FCRL3: variants seen among roughly 807,000 people sequenced by gnomAD.
The protein encoded by FCRL3 is Fc receptor like 3.
A neutral mutation model predicts 75.0 loss-of-function variants in FCRL3; 89 were observed. The ratio of observed to expected loss-of-function variants is 1.19; its 90% CI spans 1.00 to 1.42. FCRL3 has a LOEUF of 1.42. Among genes scored for constraint, FCRL3 ranks in the 40% most tolerant of loss-of-function variants. The pLI is 0.00. For synonymous variants in FCRL3, 376 were observed against 348.5 expected (o/e 1.08, Z -0.88); for missense variants, 946 against 880.0 (o/e 1.07, Z -0.95).
chr1:157,699,503 A>T (rs1355721679), intron 3 of FCRL3, among the ~76,000 whole-genome samples, 189 bp downstream of exon 3: 2 of 135,060 alleles, frequency 1.5e-5, no homozygotes, highest in African/African-American at 5.9e-5. Flanking sequence ...ATGTAGGGAG[A>T]AAAAAAAAAA....
chr1:157,689,794 C>A lies in FCRL3; in HGVS notation c.1810+4G>T. 6.2e-7 allele frequency: 1 copy of A among 1,614,020 alleles called. No homozygotes were observed. Among genetic ancestry groups the A allele is most frequent in the Non-Finnish European group, 8.5e-7 (1 of 1,179,984 alleles). ...ACATCACAAGGTAGGACCTAGACAC[C>A]CACCTGGTTTCCTTCGGGCCCTGGC... On this transcript the variant is annotated splice_donor_region_variant and intron_variant, in intron 10 of 14. Transcript: ENST00000368184.
chr1:157,690,462 G>A lies in FCRL3; in HGVS notation c.1483C>T (p.Leu495Phe), dbSNP rs768838705. The A allele has an allele frequency of 1.2e-6, 2 of 1,614,228 alleles. No homozygotes were observed. The highest frequency in any genetic ancestry group is 1.1e-5 in the South Asian group (1 of 91,082). Residue 495 changes from leucine to phenylalanine, a missense_variant, in exon 9 of 15, where the codon CTT (leucine) becomes TTT (phenylalanine). Leu to Phe is a conservative substitution (Grantham distance 22). Transcript: ENST00000368184. ...AQAVVGDLLE[L>F]HCESLRGSFP... is the part of the protein sequence containing the mutation. ...GAGCCTCTCAGGGACTCACAGTGAA[G>A]CTCCAGCAGGTCCCCCACCACAGCC...
Position 157,696,383 on chromosome 1 carries a change from A to G in FCRL3, c.845-56T>C, listed in dbSNP as rs748705036. Reference sequence around the variant, plus strand: ...CCTGATGGCAGGGACATCAAGGTCAAGGGGAAGGCTGGAGCTACCATGAAT... The same window carrying G: ...CCTGATGGCAGGGACATCAAGGTCAGGGGGAAGGCTGGAGCTACCATGAAT... On this transcript the variant is annotated intron_variant, in intron 6 of 14. Transcript: ENST00000368184. 25 of 1,594,892 alleles carry G rather than the reference A, an allele frequency of 1.6e-5. 1 individual carries two copies. In the South Asian group the frequency reaches 2.0e-4, roughly 13 times the overall value.
At position 157,686,590 on chromosome 1, in the gene FCRL3, C is replaced by T. The variant is rs192595436; in HGVS notation, c.1810+3208G>A. 5.0e-4 allele frequency among the ~76,000 whole-genome samples: 76 copies of T among 152,130 alleles called. No individual in the cohort carries two copies. The East Asian group carries it at 6.0e-3, about 12-fold the overall frequency. On this transcript the variant is annotated intron_variant, in intron 10 of 14. Transcript: ENST00000368184. ...AGTATAGTACTGATACAAAAACAGACACATAGACCAACGGAATGGAATAGA... is the reference window on the plus strand; with the variant it reads ...AGTATAGTACTGATACAAAAACAGATACATAGACCAACGGAATGGAATAGA...
intron 11 of FCRL3, among the ~76,000 whole-genome samples, chr1:157,681,795 C>A (rs1186534281): frequency 6.6e-6 from 1 of 152,132 alleles, no homozygotes; most frequent in East Asian, 1.9e-4. Flanking sequence ...ATTTCTACTT[C>A]TAGATCCCTG....
In FCRL3 at chr1:157,678,612, T is replaced by C; in HGVS notation, c.*98A>G. The C allele has an allele frequency of 6.4e-7, 1 of 1,561,624 alleles. No individual in the cohort carries two copies. Among genetic ancestry groups the C allele is most frequent in the Non-Finnish European group, 8.6e-7 (1 of 1,161,570 alleles). ...TCACATACCCTGCAGCCCAGCCTCG[T>C]AGGAGGCAGAGTCTGGAGAGATGGA... On this transcript the variant is annotated 3_prime_UTR_variant, in exon 15 of 15. Coordinates refer to ENST00000368184, the MANE Select transcript of FCRL3 (RefSeq NM_052939.4).
In FCRL3 at chr1:157,689,911, G is replaced by A. The variant is rs74120720; in HGVS notation, c.1697C>T (p.Ser566Phe). Residue 566 changes from serine (S) to phenylalanine (F), a missense_variant, in exon 10 of 15, where the codon TCC becomes TTC. Physicochemically the swap from Ser to Phe is radical, Grantham distance 155 (BLOSUM62 -2). Transcript: ENST00000368184. ...KVVTLNVTGT[S>F]RNRTGLTAAG... ...AGCGGTAAGGCCTGTTCTGTTCCTG[G>A]AAGTTCCTGAGTGGAGGGAGCTGTA... is the stretch of plus-strand genomic sequence containing the variant. The A allele has an allele frequency of 6.2e-7, 1 of 1,614,142 alleles. No individual in the cohort carries two copies. Among genetic ancestry groups the A allele is most frequent in the Non-Finnish European group, 8.5e-7 (1 of 1,180,016 alleles).
At chr1:157,697,447 T>A in intron 5 of FCRL3, 23 bp from the exon 6 acceptor site, 10 of 1,525,250 alleles carry the variant, frequency 6.6e-6, no homozygotes, top group Non-Finnish European at 8.8e-6. Flanking sequence ...AACAACATAG[T>A]CTCCAGGGTG....
At chr1:157,683,728 GT>G (rs1290751506) in intron 10 of FCRL3, among the ~76,000 whole-genome samples, 40 of 152,260 alleles carry the variant, frequency 2.6e-4, no homozygotes, top group African/African-American at 9.1e-4. Context: ...ACCCCTGCAA[GT>G]CTATTCCAGC....
chr1:157,677,969 A>G lies in FCRL3; in HGVS notation c.*741T>C. 5 of 985,354 alleles carry G rather than the reference A, an allele frequency of 5.1e-6. No individual in the cohort carries two copies. The highest frequency in any genetic ancestry group is 4.8e-6 in the Non-Finnish European group (4 of 829,886). The allele number at this position is 985,354 out of a possible 1,614,324, so 61.0% of individuals were successfully genotyped here. On this transcript the variant is annotated 3_prime_UTR_variant, in exon 15 of 15. Coordinates refer to ENST00000368184, the MANE Select transcript of FCRL3 (RefSeq NM_052939.4). ...GTTAATGGGTGCTTATAAGAATAAA[A>G]CTGACTGACTAGAAATCTATCATGT...
chr1:157,693,068 A>T (rs2101614676), intron 8 of FCRL3, among the ~76,000 whole-genome samples: 1 of 152,030 alleles, frequency 6.6e-6, no homozygotes, highest in Middle Eastern at 3.4e-3. Flanking sequence ...CTGAGCTCAG[A>T]AGTTCGAGAC....
Position 157,700,625 on chromosome 1 carries a change from A to G in FCRL3, c.-97+37T>C, listed in dbSNP as rs1656258663. On this transcript the variant is annotated intron_variant, in intron 1 of 14. Transcript: ENST00000368184. ...AAAGGGAAGAAGAGCTTAGTGTCAT[A>G]TTTTGCTTTGGGCTCTGAAAATGTG... 4.6e-6 allele frequency: 7 copies of G among 1,528,864 alleles called. No individual in the cohort carries two copies. In the South Asian group the frequency reaches 6.2e-5, roughly 14 times the overall value. The allele number at this position is 1,528,864 out of a possible 1,614,324, so 94.7% of individuals were successfully genotyped here. A position where few individuals can be genotyped will look rare whatever the true frequency, so the allele number is the denominator to read the frequency against.
chr1:157,681,231 G>T lies in FCRL3; in HGVS notation c.1839-132C>A, dbSNP rs1654818380. The T allele has an allele frequency of 1.1e-5, 5 of 474,706 alleles. No homozygotes were observed. In the South Asian group the frequency reaches 3.3e-4, roughly 32 times the overall value. 29.4% of individuals were successfully genotyped at this position (474,706 alleles called of 1,614,324 possible). ...AAATATTGTGTCTGCTTCTGCTTGG[G>T]TCTTTTTTTTTAATTTTATTATTAT... On this transcript the variant is annotated intron_variant, in intron 11 of 14. Coordinates refer to ENST00000368184, the MANE Select transcript of FCRL3 (RefSeq NM_052939.4).
chr1:157,700,823 C>A (rs1051249682), upstream of FCRL3: 21 of 985,436 alleles, frequency 2.1e-5, no homozygotes, highest in East Asian at 9.3e-4. Flanking sequence ...TCAAATAATT[C>A]TTTCTGTATT....
intron 10 of FCRL3, among the ~76,000 whole-genome samples, chr1:157,686,094 G>T (rs969897034): frequency 2.0e-5 from 3 of 151,898 alleles, no homozygotes; most frequent in Non-Finnish European, 4.4e-5. Flanking sequence ...CCAAGAGTAA[G>T]GTTTCAGGAC....
At chr1:157,695,268 T>C (rs1655806148) in intron 8 of FCRL3, 61 bp downstream of exon 8, 2 of 1,534,534 alleles carry the variant, frequency 1.3e-6, no homozygotes, top group African/African-American at 2.7e-5. Context: ...AGTGGAGCTA[T>C]TTCTGAGAAG....
Position 157,695,505 on chromosome 1 carries a change from G to A in FCRL3, c.1235C>T (p.Pro412Leu), listed in dbSNP as rs529765292. ...CTCATGATAAAATCGGTACAGGATC[G>A]GGGGAGAGCCTCTCAGGGACTCACA... Reference protein sequence around the residue: ...LHCESLRGSPPILYRFYHEDV... With the variant: ...LHCESLRGSPLILYRFYHEDV... Residue 412 changes from proline (P) to leucine (L), a missense_variant, in exon 8 of 15, where the codon CCG becomes CTG. Coordinates refer to ENST00000368184, the MANE Select transcript of FCRL3 (RefSeq NM_052939.4). 8.7e-6 allele frequency: 14 copies of A among 1,614,144 alleles called. No individual in the cohort carries two copies. The highest frequency in any genetic ancestry group is 7.7e-5 in the South Asian group (7 of 91,080).
chr1:157,700,754 A>G lies in FCRL3; in HGVS notation c.-189T>C. 7.2e-7 allele frequency: 1 copy of G among 1,381,166 alleles called. No homozygotes were observed. The highest frequency in any genetic ancestry group is 9.4e-7 in the Non-Finnish European group (1 of 1,064,740). 85.6% of individuals were successfully genotyped at this position (1,381,166 alleles called of 1,614,324 possible). A position where few individuals can be genotyped will look rare whatever the true frequency, so the allele number is the denominator to read the frequency against. On this transcript the variant is annotated 5_prime_UTR_variant, in exon 1 of 15. Transcript: ENST00000368184. ...CATCAGCTGCAGTCTCTCAGGAGTA[A>G]TGTCTCCAAGACTGTGCCTGGGTTC...
Position 157,680,772 on chromosome 1 carries a change from T to A in FCRL3, c.1958-2A>T. The A allele has an allele frequency of 1.2e-6, 2 of 1,613,898 alleles. No homozygotes were observed. Among genetic ancestry groups the A allele is most frequent in the Non-Finnish European group, 1.7e-6 (2 of 1,179,782 alleles). ...TCGGGTTGCTATCTCCAGGATTTAC[T>A]GTGAGAGAAGATATCATAGTTGGTT... is the stretch of plus-strand genomic sequence containing the variant. On this transcript the variant is annotated splice_acceptor_variant, in intron 12 of 14. Transcript: ENST00000368184. LOFTEE classifies it high-confidence loss of function.
Sources: gnomAD v4.1 joint callset for allele counts (sites outside exome capture counted in the v4.1 genomes callset) on GRCh38, gnomAD v4.1.1 for gene constraint, MANE v1.5 for transcripts, NCBI Gene and HGNC (gene_info 2026-07-23, HGNC 2026-07-21) for gene names.